The following CCDC180 variants were observed in gnomAD, a reference collection of about 807,000 sequenced individuals.
CCDC180 encodes coiled-coil domain containing 180.
A neutral mutation model predicts 209.2 loss-of-function variants in CCDC180; 154 were observed. The ratio of observed to expected loss-of-function variants is 0.74; its 90% CI spans 0.65 to 0.84. CCDC180 has a LOEUF of 0.84. CCDC180 is among the 40% of genes least tolerant of loss of function. The pLI is 0.00. For synonymous variants in CCDC180, 778 were observed against 749.1 expected, an observed-to-expected ratio of 1.04 and a Z score of -0.63; for missense variants, 1,874 against 1,997.3, an observed-to-expected ratio of 0.94 and a Z score of 1.18.
At position 97,375,554 on chromosome 9, in the gene CCDC180, C is replaced by G; in HGVS notation, c.4807C>G (p.Leu1603Val). The G allele has an allele frequency of 6.2e-7, 1 of 1,614,250 alleles. No homozygotes were observed. Among genetic ancestry groups the G allele is most frequent in the East Asian group, 2.2e-5 (1 of 44,884 alleles). Residue 1603 changes from leucine to valine, a missense_variant, in exon 36 of 37, where the codon CTG becomes GTG. By Grantham distance (32) the Leu-to-Val change is conservative (BLOSUM62 1). Transcript: ENST00000529487. ...CACCACCAAAACCACCCTGGGCCACCTGGCGGCCGTGGAAGCCCGAGATGC... is the reference window on the plus strand; with the variant it reads ...CACCACCAAAACCACCCTGGGCCACGTGGCGGCCGTGGAAGCCCGAGATGC... The part of the protein sequence containing the change: ...ISTTKTTLGH[L>V]AAVEARDAVY...
rs754811150 is a variant in CCDC180, at chr9:97,325,057, G to A, written c.1410G>A (p.Gln470=). ...CTCTGGCAGATCAGACAGAGTGGCAGAGTTCACACCTCTTCAAGTATTTCC... is the reference window on the plus strand; with the variant it reads ...CTCTGGCAGATCAGACAGAGTGGCAAAGTTCACACCTCTTCAAGTATTTCC... ...FETLADQTEW[Q]SSHLFKYFQE... Residue 470 remains glutamine (Q), a synonymous_variant, in exon 14 of 37, where the codon CAG becomes CAA. Coordinates refer to ENST00000529487, the MANE Select transcript of CCDC180 (RefSeq NM_020893.6). The A allele has an allele frequency of 3.5e-5, 57 of 1,613,964 alleles. No homozygotes were observed. Among genetic ancestry groups the A allele is most frequent in the Non-Finnish European group, 4.6e-5 (54 of 1,180,020 alleles).
chr9:97,320,517 G>A (rs559552886), intron 11 of CCDC180, among the ~76,000 whole-genome samples: 39 of 152,278 alleles, frequency 2.6e-4, no homozygotes, highest in Admixed American at 1.8e-3. Flanking sequence ...GTGTGAGGTG[G>A]AGCACATAGT....
At chr9:97,370,263 A>G (rs1047639894) in intron 32 of CCDC180, among the ~76,000 whole-genome samples, 181 bp downstream of exon 32, 2 of 152,182 alleles carry the variant, frequency 1.3e-5, no homozygotes, top group Admixed American at 1.3e-4. Context: ...AACAGCTTCT[A>G]CATAGAAGGT....
intron 31 of CCDC180, among the ~76,000 whole-genome samples, chr9:97,367,278 A>G (rs1826949612): frequency 6.6e-6 from 1 of 152,100 alleles, no homozygotes; most frequent in Non-Finnish European, 1.5e-5. Flanking sequence ...CCTTTTTATC[A>G]ATGAATAATA....
intron 20 of CCDC180, chr9:97,347,772 A>G: frequency 3.1e-6 from 1 of 322,034 alleles, no homozygotes. Context: ...TAGCTCTTGG[A>G]ACCCAGATCT....
At chr9:97,309,392 C>T (rs780405795) in intron 2 of CCDC180, 22 bp from the exon 3 acceptor site, 6 of 1,596,706 alleles carry the variant, frequency 3.8e-6, no homozygotes, top group Non-Finnish European at 4.3e-6. Context: ...ACTCCCCCAT[C>T]CTTGGTCCTC....
chr9:97,362,159 A>G, intron 27 of CCDC180, 37 bp from the exon 28 acceptor site: 1 of 1,588,106 alleles, frequency 6.3e-7, no homozygotes, highest in African/African-American at 1.3e-5. Flanking sequence ...CCCCATGGTC[A>G]CCGGAGAAGA....
chr9:97,374,733 T>A, intron 35 of CCDC180, 85 bp downstream of exon 35: 1 of 1,085,424 alleles, frequency 9.2e-7, no homozygotes. Context: ...GCTTGGACTC[T>A]GAAGTCAGAC....
intron 3 of CCDC180, 53 bp from the exon 4 acceptor site, chr9:97,312,060 G>T: frequency 6.6e-7 from 1 of 1,524,048 alleles, no homozygotes; most frequent in Non-Finnish European, 9.1e-7. Context: ...TGCCAGAGCT[G>T]CCATGGATGG....
chr9:97,365,538 C>T (rs1368622580), intron 29 of CCDC180, 135 bp from the exon 30 acceptor site: 1 of 754,870 alleles, frequency 1.3e-6, no homozygotes, highest in African/African-American at 1.7e-5. Flanking sequence ...TGCAGAGGTC[C>T]TGGGGCAGCA....
intron 25 of CCDC180, 48 bp downstream of exon 25, chr9:97,357,773 C>A (rs1564171142): frequency 7.2e-7 from 1 of 1,391,258 alleles, no homozygotes; most frequent in South Asian, 1.2e-5. Flanking sequence ...ATATATCATG[C>A]TAAAGTCATA....
intron 4 of CCDC180, 149 bp from the exon 5 acceptor site, chr9:97,313,087 T>C (rs1477128471): frequency 9.0e-6 from 5 of 554,820 alleles, no homozygotes; most frequent in Middle Eastern, 3.9e-4. Context: ...CTGTCATCTT[T>C]TCTCTTTTTC....
Position 97,376,905 on chromosome 9 carries a change from C to A in CCDC180, c.*11C>A. On this transcript the variant is annotated 3_prime_UTR_variant, in exon 37 of 37. Coordinates refer to ENST00000529487, the MANE Select transcript of CCDC180 (RefSeq NM_020893.6). ...GGCCTGTATGTGTGACCCTCCGCCC[C>A]ACCATGAATAAACACTTTCTTATAC... 1 of 1,607,250 alleles carries A rather than the reference C, an allele frequency of 6.2e-7. No homozygotes were observed. Among genetic ancestry groups the A allele is most frequent in the Non-Finnish European group, 8.5e-7 (1 of 1,178,244 alleles).
At chr9:97,357,806 G>A in intron 25 of CCDC180, 81 bp downstream of exon 25, 2 of 1,183,908 alleles carry the variant, frequency 1.7e-6, no homozygotes, top group Non-Finnish European at 2.5e-6. Flanking sequence ...ATTTACCTGT[G>A]TGTATAGGAT....
At chr9:97,355,337 G>A (rs1168886049) in intron 24 of CCDC180, among the ~76,000 whole-genome samples, 3 of 151,868 alleles carry the variant, frequency 2.0e-5, no homozygotes, top group Non-Finnish European at 2.9e-5. Flanking sequence ...TCTATTTTTT[G>A]TAGAGATGGG....
Position 97,377,251 on chromosome 9 carries a change from ATATTT to A in CCDC180, c.*360_*364del. On this transcript the variant is annotated 3_prime_UTR_variant, in exon 37 of 37. Coordinates refer to ENST00000529487, the MANE Select transcript of CCDC180 (RefSeq NM_020893.6). ...ATGAAATAAAGGTCATGGGAAAATG[ATATTT>A]TAATTTAACAGAATAAACAAGTATG... 5.9e-6 allele frequency: 1 copy of A among 170,596 alleles called. No individual in the cohort carries two copies. The highest frequency in any genetic ancestry group is 1.3e-5 in the Non-Finnish European group (1 of 79,054). 10.6% of individuals were successfully genotyped at this position (170,596 alleles called of 1,614,324 possible). A position where few individuals can be genotyped will look rare whatever the true frequency, so the allele number is the denominator to read the frequency against.
chr9:97,335,319 C>T (rs1825868382), intron 18 of CCDC180, among the ~76,000 whole-genome samples: 1 of 152,018 alleles, frequency 6.6e-6, no homozygotes, highest in African/African-American at 2.4e-5. Context: ...CTAATGCTAT[C>T]CCTCCCCCAT....
chr9:97,323,878 T>C lies in CCDC180; in HGVS notation c.1346T>C (p.Val449Ala). ...ATGGTGGGAGCACTCCAGGGCAAAG[T>C]GGAGGAGGACCTGGAGCTCTTGGAC... is the stretch of plus-strand genomic sequence containing the variant. ...FQMVGALQGK[V>A]EEDLELLDKS... is the part of the protein sequence containing the mutation. Residue 449 changes from valine (V) to alanine (A), a missense_variant, in exon 13 of 37, where the codon GTG becomes GCG. Transcript: ENST00000529487. The C allele has an allele frequency of 6.4e-7, 1 of 1,554,748 alleles. No individual in the cohort carries two copies.
chr9:97,312,250 G>T lies in CCDC180; in HGVS notation c.349+49G>T, dbSNP rs368395185. 1.2e-5 allele frequency: 18 copies of T among 1,530,174 alleles called. No homozygotes were observed. The African/African-American group carries it at 2.1e-4, about 17-fold the overall frequency. 94.8% of individuals were successfully genotyped at this position (1,530,174 alleles called of 1,614,324 possible). A position where few individuals can be genotyped will look rare whatever the true frequency, so the allele number is the denominator to read the frequency against. ...GCAGGCCTGTCCTGGGCCAGGATGAGACCTGGGCAGGAGGTGGGGACGTCT... is the reference window on the plus strand; with the variant it reads ...GCAGGCCTGTCCTGGGCCAGGATGATACCTGGGCAGGAGGTGGGGACGTCT... On this transcript the variant is annotated intron_variant, in intron 4 of 36. Transcript: ENST00000529487.
Sources: allele counts gnomAD v4.1 joint callset (sites outside exome capture counted in the v4.1 genomes callset), GRCh38; gene constraint gnomAD v4.1.1; transcripts MANE v1.5; gene names NCBI Gene and HGNC (gene_info 2026-07-23, HGNC 2026-07-21).